The following DSE variants were observed in gnomAD, a reference collection of about 807,000 sequenced individuals.
The protein encoded by DSE is dermatan sulfate epimerase.
In DSE, 36 loss-of-function variants were observed where a neutral mutation model predicts 84.4. The ratio of observed to expected loss-of-function variants is 0.43; its 90% CI spans 0.33 to 0.56. The LOEUF is 0.56. Among genes scored for constraint, DSE ranks in the 20% least tolerant of loss-of-function variants. The pLI, the probability that DSE is intolerant of heterozygous loss-of-function variation, is 0.06. For missense variants in DSE, 862 were observed against 1,169.6 expected (o/e 0.74, Z 3.84); for synonymous variants, 410 against 430.1 (o/e 0.95, Z 0.58).
intron 2 of DSE, among the ~76,000 whole-genome samples, chr6:116,332,196 T>C (rs1776989938): frequency 6.6e-6 from 1 of 152,106 alleles, no homozygotes; most frequent in African/African-American, 2.4e-5. Context: ...AACCTAAAAA[T>C]AAATATTTTA....
At chr6:116,277,544 G>C (rs1313975511) in intron 2 of DSE, 1 of 152,248 alleles carries the variant, frequency 6.6e-6, no homozygotes, top group African/African-American at 2.4e-5. Context: ...GGGCGTAAGA[G>C]CTCTAGCACT....
At position 116,399,326 on chromosome 6, in the gene DSE, G is replaced by C. The variant is rs756408252; in HGVS notation, c.76G>C (p.Asp26His). The C allele has an allele frequency of 6.2e-7, 1 of 1,613,958 alleles. No individual in the cohort carries two copies. The highest frequency in any genetic ancestry group is 2.2e-5 in the East Asian group (1 of 44,874). The change falls in exon 2 of 6, where the codon GAC becomes CAC. Residue 26 changes from aspartate to histidine, a missense_variant. By Grantham distance (81) the Asp-to-His change is moderately conservative (BLOSUM62 -1). Coordinates refer to ENST00000644252, the MANE Select transcript of DSE (RefSeq NM_013352.4). Reference sequence around the variant, plus strand: ...TTGCTTTGTGTCAGCCTACATCACCGACGAGAACCCAGAAGTTATGATTCC... The same window carrying C: ...TTGCTTTGTGTCAGCCTACATCACCCACGAGAACCCAGAAGTTATGATTCC... ...LLCFVSAYIT[D>H]ENPEVMIPFT...
At chr6:116,320,225 C>T (rs771777409) in intron 2 of DSE, among the ~76,000 whole-genome samples, 6 of 152,102 alleles carry the variant, frequency 3.9e-5, no homozygotes, top group Admixed American at 6.6e-5. Flanking sequence ...TAAGAGGATG[C>T]GTAGCCAGAT....
At chr6:116,369,707 A>C, upstream of DSE, 1 of 317,324 alleles carries the variant, frequency 3.2e-6, no homozygotes, top group East Asian at 7.6e-5. Flanking sequence ...ACATTTAAAA[A>C]ATTTAATAGT....
At chr6:116,268,236 T>A (rs76749288) in intron 2 of DSE, among the ~76,000 whole-genome samples, 6,508 of 152,302 alleles carry the variant, frequency 0.043, 221 homozygotes, top group African/African-American at 0.091. Context: ...ACACAACATA[T>A]GTTAGATATG....
chr6:116,397,551 G>C (rs188903986), intron 1 of DSE, among the ~76,000 whole-genome samples: 6 of 152,066 alleles, frequency 3.9e-5, no homozygotes, highest in East Asian at 1.9e-4. Context: ...CCCCTGGGGG[G>C]ACTGAGCATT....
At position 116,436,219 on chromosome 6, in the gene DSE, C is replaced by T. The variant is rs369887455; in HGVS notation, c.1751C>T (p.Ala584Val). 3.7e-5 allele frequency: 60 copies of T among 1,614,024 alleles called. No homozygotes were observed. Among genetic ancestry groups the T allele is most frequent in the African/African-American group, 9.3e-5 (7 of 75,026 alleles). The change falls in exon 6 of 6, where the codon GCG becomes GTG. Residue 584 changes from alanine (A) to valine (V), a missense_variant. By Grantham distance (64) the Ala-to-Val change is moderately conservative (BLOSUM62 0). Around this residue, in one of 4 missense-constraint regions of DSE, gnomAD observed 186 missense variants for 255.1 expected, o/e 0.73. Coordinates refer to ENST00000644252, the MANE Select transcript of DSE (RefSeq NM_013352.4). Reference protein sequence around the residue: ...LGEESPLETAASFFHNVDVPF... With the variant: ...LGEESPLETAVSFFHNVDVPF... Reference sequence around the variant, plus strand: ...GAGGAGAGTCCCTTGGAGACAGCAGCGAGCTTCTTCCATAATGTGGATGTT... The same window carrying T: ...GAGGAGAGTCCCTTGGAGACAGCAGTGAGCTTCTTCCATAATGTGGATGTT...
At chr6:116,333,069 G>A (rs911850377) in intron 2 of DSE, among the ~76,000 whole-genome samples, 4 of 152,136 alleles carry the variant, frequency 2.6e-5, no homozygotes, top group Non-Finnish European at 5.9e-5. Flanking sequence ...CTTATTCACT[G>A]CTAATGTGAA....
intron 1 of DSE, chr6:116,256,680 A>G (rs1772156799): frequency 6.6e-6 from 1 of 152,216 alleles, no homozygotes; most frequent in Non-Finnish European, 1.5e-5. Context: ...TGTTTTAATG[A>G]ATCTTGATTA....
intron 2 of DSE, among the ~76,000 whole-genome samples, chr6:116,311,861 C>T (rs1287007833): frequency 6.6e-6 from 1 of 151,996 alleles, no homozygotes; most frequent in Non-Finnish European, 1.5e-5. Context: ...TATCACCATC[C>T]AAAATTACAT....
chr6:116,434,211 C>A (rs1305347014), intron 5 of DSE, among the ~76,000 whole-genome samples: 3 of 152,040 alleles, frequency 2.0e-5, no homozygotes, highest in Non-Finnish European at 1.5e-5. Context: ...TAAAGTATTG[C>A]CAAATATGTT....
chr6:116,361,195 G>A (rs1006005373), intron 2 of DSE, among the ~76,000 whole-genome samples: 4 of 151,922 alleles, frequency 2.6e-5, no homozygotes, highest in African/African-American at 4.8e-5. Context: ...CAGTAGCTGC[G>A]ATTACAGGTG....
chr6:116,328,775 T>C (rs1776778595), intron 2 of DSE, among the ~76,000 whole-genome samples: 1 of 152,230 alleles, frequency 6.6e-6, no homozygotes, highest in African/African-American at 2.4e-5. Flanking sequence ...TCTGGCCTGC[T>C]GTTTAAAAGG....
At chr6:116,410,834 GTGT>G (rs1782307057) in intron 2 of DSE, among the ~76,000 whole-genome samples, 1 of 150,638 alleles carries the variant, frequency 6.6e-6, no homozygotes, top group African/African-American at 2.4e-5. Flanking sequence ...TAGGCCTTTG[GTGT>G]TTATCTAAAT....
Position 116,438,325 on chromosome 6 carries a change from A to G in DSE, c.*980A>G, listed in dbSNP as rs1007728599. On this transcript the variant is annotated 3_prime_UTR_variant, in exon 6 of 6. Coordinates refer to ENST00000644252, the MANE Select transcript of DSE (RefSeq NM_013352.4). ...CTTTGTTCCATTATATTCAAAATGC[A>G]TTAACATTTTCCAAAATTTTTGAAG... 2 of 152,556 alleles carry G rather than the reference A, an allele frequency of 1.3e-5. No homozygotes were observed. Among genetic ancestry groups the G allele is most frequent in the African/African-American group, 4.8e-5 (2 of 41,458 alleles). 9.5% of individuals were successfully genotyped at this position (152,556 alleles called of 1,614,324 possible). A position where few individuals can be genotyped will look rare whatever the true frequency, so the allele number is the denominator to read the frequency against.
intron 2 of DSE, among the ~76,000 whole-genome samples, chr6:116,322,798 T>A (rs1164127483): frequency 6.6e-6 from 1 of 152,122 alleles, no homozygotes; most frequent in Non-Finnish European, 1.5e-5. Flanking sequence ...TCAACCAAGA[T>A]TTTCTGTTTA....
intron 1 of DSE, among the ~76,000 whole-genome samples, chr6:116,380,475 A>G (rs1780158165): frequency 6.6e-6 from 1 of 152,070 alleles, no homozygotes; most frequent in African/African-American, 2.4e-5. Context: ...AGAGGATTTT[A>G]TACAAAAAAG....
At chr6:116,357,107 C>A (rs990711711) in intron 2 of DSE, among the ~76,000 whole-genome samples, 99 of 152,152 alleles carry the variant, frequency 6.5e-4, no homozygotes, top group African/African-American at 2.3e-3. Flanking sequence ...TTTCTCCCAC[C>A]CGCATGTTTA....
chr6:116,425,465 C>G (rs1199498030), intron 2 of DSE, among the ~76,000 whole-genome samples: 3 of 152,270 alleles, frequency 2.0e-5, no homozygotes, highest in African/African-American at 7.2e-5. Flanking sequence ...TGGTTAATTC[C>G]TTAGAATTCT....
Sources: allele counts gnomAD v4.1 joint callset (sites outside exome capture counted in the v4.1 genomes callset), GRCh38; gene constraint gnomAD v4.1.1; regional missense constraint gnomAD v4.1.1; transcripts MANE v1.5; gene names NCBI Gene and HGNC (gene_info 2026-07-23, HGNC 2026-07-21).